LYPD5: variants seen among roughly 807,000 people sequenced by gnomAD.
The protein encoded by LYPD5 is LY6/PLAUR domain containing 5.
In LYPD5, 21 loss-of-function variants were observed where a neutral mutation model predicts 19.1. The ratio of observed to expected loss-of-function variants is 1.10; its 90% CI spans 0.78 to 1.58. The LOEUF (loss-of-function observed/expected upper bound fraction) is 1.58, where lower values mean the gene tolerates loss of function less well. Ranked by LOEUF, LYPD5 falls within the 40% of genes most tolerant of loss-of-function variation. The pLI, the probability that LYPD5 is intolerant of heterozygous loss-of-function variation, is 0.00. For synonymous variants in LYPD5, 128 were observed against 142.7 expected, an observed-to-expected ratio of 0.90 and a Z score of 0.74; for missense variants, 287 against 329.8, an observed-to-expected ratio of 0.87 and a Z score of 1.00.
intron 1 of LYPD5, among the ~76,000 whole-genome samples, chr19:43,800,563 C>G (rs1439487773): frequency 6.6e-6 from 1 of 152,106 alleles, no homozygotes; most frequent in African/African-American, 2.4e-5. Flanking sequence ...GAAAATCATA[C>G]CCAGAGAGGT....
intron 1 of LYPD5, among the ~76,000 whole-genome samples, chr19:43,808,668 G>C (rs759027758): frequency 2.0e-5 from 3 of 152,116 alleles, no homozygotes; most frequent in Non-Finnish European, 4.4e-5. Context: ...ATGGATCTGT[G>C]CTACATTCTG....
chr19:43,813,321 T>G (rs1568406795), intron 1 of LYPD5, among the ~76,000 whole-genome samples: 1 of 152,144 alleles, frequency 6.6e-6, no homozygotes, highest in African/African-American at 2.4e-5. Context: ...CGTCTCTCTC[T>G]CGCTCTCTCT....
At chr19:43,802,905 G>A (rs1419762086), upstream of LYPD5, among the ~76,000 whole-genome samples, 4 of 152,158 alleles carry the variant, frequency 2.6e-5, no homozygotes, top group East Asian at 1.9e-4. Context: ...CTGGGCTAGC[G>A]TCTGTCTCCC....
rs763620005 is a variant in LYPD5, at chr19:43,798,823, T to C, written c.359A>G (p.Asn120Ser). ...AHLMTHDALP[N>S]LSQAPDPPTL... ...GCTCTCCCGCGCACCTTGGCTCAGG[T>C]TGGGGAGGGCGTCATGAGTCATGAG... Residue 120 changes from asparagine to serine, a missense_variant, in exon 3 of 5, where the codon AAC becomes AGC. Asn to Ser is a conservative substitution (Grantham distance 46, BLOSUM62 1). Transcript: ENST00000377950. 22 of 1,609,408 alleles carry C rather than the reference T, an allele frequency of 1.4e-5. No individual in the cohort carries two copies. Among genetic ancestry groups the C allele is most frequent in the South Asian group, 6.6e-5 (6 of 90,276 alleles).
chr19:43,798,083 T>G (rs1599692132), intron 4 of LYPD5, among the ~76,000 whole-genome samples: 1 of 110,912 alleles, frequency 9.0e-6, no homozygotes, highest in Non-Finnish European at 1.8e-5. Context: ...CAGACCAGGG[T>G]TATGCCTCCT....
chr19:43,816,597 C>G (rs1970377824), intron 1 of LYPD5, among the ~76,000 whole-genome samples: 1 of 152,200 alleles, frequency 6.6e-6, no homozygotes, highest in Admixed American at 6.5e-5. Flanking sequence ...TGGTCAACTC[C>G]AGTAAAGATG....
At chr19:43,799,078 T>A in intron 2 of LYPD5, 90 bp from the exon 3 acceptor site, 1 of 1,414,924 alleles carries the variant, frequency 7.1e-7, no homozygotes, top group Non-Finnish European at 9.4e-7. Flanking sequence ...ATCCTTTCAC[T>A]TTCACCTACA....
intron 1 of LYPD5, among the ~76,000 whole-genome samples, chr19:43,816,767 G>A (rs561086819): frequency 2.6e-5 from 4 of 152,312 alleles, no homozygotes; most frequent in African/African-American, 9.6e-5. Flanking sequence ...CACATGTTGT[G>A]GGAGGAACCC....
chr19:43,814,412 T>G (rs1970353855), intron 1 of LYPD5, among the ~76,000 whole-genome samples: 1 of 152,132 alleles, frequency 6.6e-6, no homozygotes, highest in Non-Finnish European at 1.5e-5. Context: ...AAAAATCACT[T>G]GAACCCAAGA....
intron 1 of LYPD5, among the ~76,000 whole-genome samples, chr19:43,815,033 T>C (rs1278336244): frequency 6.6e-6 from 1 of 152,218 alleles, no homozygotes; most frequent in Non-Finnish European, 1.5e-5. Flanking sequence ...TGCTTTTGTA[T>C]CTTGCCAGAG....
At chr19:43,813,448 A>G (rs1012212912) in intron 1 of LYPD5, among the ~76,000 whole-genome samples, 3 of 152,192 alleles carry the variant, frequency 2.0e-5, no homozygotes, top group African/African-American at 7.2e-5. Context: ...CAGAACTGTG[A>G]GCCAAATAAC....
chr19:43,799,122 A>AC, intron 2 of LYPD5, 134 bp from the exon 3 acceptor site: 1 of 526,746 alleles, frequency 1.9e-6, no homozygotes, highest in Non-Finnish European at 2.7e-6. Flanking sequence ...CCTTCCTCTC[A>AC]CCCCCAGACC....
At chr19:43,807,637 G>C (rs1388129271) in intron 1 of LYPD5, among the ~76,000 whole-genome samples, 1 of 152,196 alleles carries the variant, frequency 6.6e-6, no homozygotes, top group Non-Finnish European at 1.5e-5. Context: ...GTTGTTGCAG[G>C]CTAGGCTCTC....
intron 1 of LYPD5, among the ~76,000 whole-genome samples, chr19:43,813,755 T>C (rs531446271): frequency 1.3e-5 from 2 of 152,346 alleles, no homozygotes; most frequent in East Asian, 3.9e-4. Flanking sequence ...TGGTGCAATC[T>C]TGGCTCATTG....
In LYPD5 at chr19:43,796,328, T is replaced by G. The variant is rs1360122905; in HGVS notation, c.*1263A>C. 6.7e-6 allele frequency: 1 copy of G among 149,518 alleles called. No homozygotes were observed. Among genetic ancestry groups the G allele is most frequent in the Non-Finnish European group, 1.5e-5 (1 of 67,110 alleles). The allele number at this position is 149,518 out of a possible 1,614,324, so 9.3% of individuals were successfully genotyped here. On this transcript the variant is annotated 3_prime_UTR_variant, in exon 5 of 5. Transcript: ENST00000377950. ...GCATGTGAAAGAACATGGTCAAGCA[T>G]GTGCACAGAGAACATGCTAAAGGAT... is the stretch of plus-strand genomic sequence containing the variant.
At chr19:43,802,531 ATCG>A, upstream of LYPD5, 1 of 587,788 alleles carries the variant, frequency 1.7e-6, no homozygotes, top group South Asian at 1.8e-5. Context: ...TTCCTAGGTA[ATCG>A]TGATGGAAAC....
chr19:43,813,710 C>T (rs1042365705), intron 1 of LYPD5, among the ~76,000 whole-genome samples: 6 of 152,108 alleles, frequency 3.9e-5, no homozygotes, highest in East Asian at 3.9e-4. Flanking sequence ...TTTATTGAGA[C>T]GCTGTTTCAT....
chr19:43,809,342 T>C (rs1210855644), intron 1 of LYPD5, among the ~76,000 whole-genome samples: 3 of 151,862 alleles, frequency 2.0e-5, no homozygotes, highest in Non-Finnish European at 4.4e-5. Flanking sequence ...TGACCGGATA[T>C]TATTATACAG....
Position 43,795,947 on chromosome 19 carries a change from T to C in LYPD5, c.*1644A>G, listed in dbSNP as rs1970123038. 1 of 152,146 alleles carries C rather than the reference T, an allele frequency of 6.6e-6. No individual in the cohort carries two copies. Among genetic ancestry groups the C allele is most frequent in the Admixed American group, 6.5e-5 (1 of 15,274 alleles). The allele number at this position is 152,146 out of a possible 1,614,324, so 9.4% of individuals were successfully genotyped here. A position where few individuals can be genotyped will look rare whatever the true frequency, so the allele number is the denominator to read the frequency against. On this transcript the variant is annotated 3_prime_UTR_variant, in exon 5 of 5. Coordinates refer to ENST00000377950, the MANE Select transcript of LYPD5 (RefSeq NM_001031749.3). ...CTGTATGGCTTATACACAACAGAAA[T>C]TTATGTCTCATAGCTCTGGAGTCTG...
Sources: allele counts gnomAD v4.1 joint callset (sites outside exome capture counted in the v4.1 genomes callset), GRCh38; gene constraint gnomAD v4.1.1; transcripts MANE v1.5; gene names NCBI Gene and HGNC (gene_info 2026-07-23, HGNC 2026-07-21).